Variants in HK1 observed in about 807,000 individuals in gnomAD.
HK1 encodes hexokinase-1.
HK1 carries 28 observed loss-of-function variants against 91.6 expected under a neutral mutation model. The observed-to-expected ratio is 0.31, with a 90% CI of 0.23 to 0.42. The LOEUF is 0.42. Among genes scored for constraint, HK1 ranks in the 10% least tolerant of loss-of-function variants. The pLI is 1.00. For missense variants in HK1, 770 were observed against 1,219.8 expected, an observed-to-expected ratio of 0.63 and a Z score of 5.49; for synonymous variants, 430 against 468.1, an observed-to-expected ratio of 0.92 and a Z score of 1.05.
intron 1 of HK1, among the ~76,000 whole-genome samples, chr10:69,276,567 G>A (rs1031345945): frequency 3.9e-5 from 6 of 151,986 alleles, no homozygotes; most frequent in African/African-American, 1.2e-4. Flanking sequence ...GCTGAGCCAT[G>A]AGAATTGCTC....
At chr10:69,391,313 G>A (rs1349570152) in intron 14 of HK1, among the ~76,000 whole-genome samples, 1 of 152,260 alleles carries the variant, frequency 6.6e-6, no homozygotes, top group African/African-American at 2.4e-5. Flanking sequence ...AGCTTATTGA[G>A]CAGGCATAGT....
chr10:69,401,031 C>G lies in HK1; in HGVS notation c.2650C>G (p.Pro884Ala), dbSNP rs1356131817. 3.1e-6 allele frequency: 5 copies of G among 1,614,270 alleles called. No homozygotes were observed. Among genetic ancestry groups the G allele is most frequent in the Middle Eastern group, 1.6e-4 (1 of 6,062 alleles). The change falls in exon 18 of 18, where the codon CCA (proline) becomes GCA (alanine). Residue 884 changes from proline (P) to alanine (A), a missense_variant. By Grantham distance (27) the Pro-to-Ala change is conservative. This residue lies in a region of HK1 where 78 missense variants were observed against 99.0 expected (regional missense o/e 0.79). Coordinates refer to ENST00000359426, the MANE Select transcript of HK1 (RefSeq NM_000188.3). Reference sequence around the variant, plus strand: ...GCACCAGACGGTGAAGGAACTGTCACCAAAATGTAACGTGTCCTTCCTCCT... The same window carrying G: ...GCACCAGACGGTGAAGGAACTGTCAGCAAAATGTAACGTGTCCTTCCTCCT... ...IMHQTVKELS[P>A]KCNVSFLLSE... is the part of the protein sequence containing the mutation.
upstream of HK1, chr10:69,315,962 G>A (rs1846617260): frequency 1.9e-6 from 3 of 1,614,088 alleles, no homozygotes; most frequent in Admixed American, 1.7e-5. Flanking sequence ...CAGATGGACT[G>A]TGAGCACAGC....
chr10:69,296,704 C>T (rs1387712909), intron 4 of HK1, among the ~76,000 whole-genome samples: 2 of 152,056 alleles, frequency 1.3e-5, no homozygotes, highest in Admixed American at 1.3e-4. Flanking sequence ...GCAGAGAGAG[C>T]AGCATGTGCC....
intron 16 of HK1, among the ~76,000 whole-genome samples, chr10:69,397,827 T>C (rs1840209725): frequency 6.6e-6 from 1 of 152,160 alleles, no homozygotes. Context: ...GTAGTTTATA[T>C]GGCCAAAAAA....
chr10:69,337,056 A>G (rs1416241107), intron 1 of HK1, among the ~76,000 whole-genome samples: 1 of 152,200 alleles, frequency 6.6e-6, no homozygotes, highest in East Asian at 1.9e-4. Flanking sequence ...GTTTCTGCAC[A>G]TTAAAATCCT....
intron 12 of HK1, 93 bp from the exon 13 acceptor site, chr10:69,386,230 G>A (rs1290103352): frequency 8.7e-6 from 8 of 919,942 alleles, no homozygotes; most frequent in Middle Eastern, 2.1e-4. Flanking sequence ...TAAGCCCTCA[G>A]CAGTTGTTGA....
At chr10:69,307,006 A>T (rs1846139044) in intron 5 of HK1, among the ~76,000 whole-genome samples, 1 of 152,194 alleles carries the variant, frequency 6.6e-6, no homozygotes, top group South Asian at 2.1e-4. Flanking sequence ...TGAATAAATG[A>T]CAAGGAGGGG....
upstream of HK1, among the ~76,000 whole-genome samples, chr10:69,315,009 T>A (rs1846563750): frequency 6.6e-6 from 1 of 152,016 alleles, no homozygotes; most frequent in African/African-American, 2.4e-5. Flanking sequence ...ATCCCTTGAG[T>A]CCAGGAGTTC....
intron 3 of HK1, among the ~76,000 whole-genome samples, chr10:69,361,018 C>T (rs1375014286): frequency 6.9e-6 from 1 of 144,072 alleles, no homozygotes; most frequent in African/African-American, 2.6e-5. Flanking sequence ...GGGTGGACTT[C>T]GAGATGAGAC....
Position 69,382,847 on chromosome 10 carries a change from G to A in HK1, c.1570+56G>A, listed in dbSNP as rs771740363. On this transcript the variant is annotated intron_variant, in intron 10 of 17. Coordinates refer to ENST00000359426, the MANE Select transcript of HK1 (RefSeq NM_000188.3). ...TCCTGCTCCTGCCAGGAACTGAGCC[G>A]CAGTGGGGGAGGTTGGATTCGCCAG... 3.2e-4 allele frequency: 505 copies of A among 1,567,292 alleles called. 3 individuals carry two copies. The highest frequency in any genetic ancestry group is 2.4e-3 in the Middle Eastern group (13 of 5,482).
At chr10:69,319,738 T>G (rs907023696) in intron 1 of HK1, among the ~76,000 whole-genome samples, 2 of 152,260 alleles carry the variant, frequency 1.3e-5, no homozygotes, top group Admixed American at 1.3e-4. Context: ...TTCTAGCACT[T>G]GGACGCATGC....
At chr10:69,339,377 A>G (rs572897842) in intron 1 of HK1, among the ~76,000 whole-genome samples, 1 of 152,244 alleles carries the variant, frequency 6.6e-6, no homozygotes, top group Non-Finnish European at 1.5e-5. Context: ...GCTTCCCTTC[A>G]TTGTCCTCAT....
At chr10:69,386,671 A>G (rs1839649057) in intron 13 of HK1, 1 of 370,468 alleles carries the variant, frequency 2.7e-6, no homozygotes, top group African/African-American at 2.1e-5. Flanking sequence ...AGTCCCAGCT[A>G]CTCGGGAGAC....
At chr10:69,340,825 T>A (rs1305976183) in intron 1 of HK1, among the ~76,000 whole-genome samples, 1 of 152,208 alleles carries the variant, frequency 6.6e-6, no homozygotes, top group Non-Finnish European at 1.5e-5. Flanking sequence ...CCGCTTGTAT[T>A]TGTTTATGTG....
intron 3 of HK1, chr10:69,295,499 TTAGACATTCCAA>T (rs1845518837): frequency 1.4e-6 from 1 of 707,108 alleles, no homozygotes; most frequent in Non-Finnish European, 2.6e-6. Flanking sequence ...TAGAATTTGC[TTAGACATTCCAA>T]GGTTACTTGT....
chr10:69,341,679 C>T (rs1848299011), intron 1 of HK1, among the ~76,000 whole-genome samples: 1 of 151,960 alleles, frequency 6.6e-6, no homozygotes, highest in Non-Finnish European at 1.5e-5. Flanking sequence ...TAATCTCGAA[C>T]TCCTGGGCTC....
intron 5 of HK1, among the ~76,000 whole-genome samples, chr10:69,305,888 A>AAAAC (rs77282591): frequency 0.84 from 125,647 of 149,788 alleles, 53,394 homozygotes; most frequent in Non-Finnish European, 0.91. Context: ...AAAACAACAA[A>AAAAC]AAAAAATAAG....
intron 1 of HK1, among the ~76,000 whole-genome samples, chr10:69,273,834 C>G (rs776831506): frequency 6.6e-6 from 1 of 152,084 alleles, no homozygotes; most frequent in Admixed American, 6.6e-5. Context: ...TTTATCTTTT[C>G]GTCCATTTTT....
Sources: allele counts gnomAD v4.1 joint callset (sites outside exome capture counted in the v4.1 genomes callset), GRCh38; gene constraint gnomAD v4.1.1; regional missense constraint gnomAD v4.1.1; transcripts MANE v1.5; gene names NCBI Gene and HGNC (gene_info 2026-07-23, HGNC 2026-07-21).